GRM8: variants seen among roughly 807,000 people sequenced by gnomAD.
GRM8 encodes the protein glutamate metabotropic receptor 8.
A neutral mutation model predicts 87.2 loss-of-function variants in GRM8; 47 were observed. The ratio of observed to expected loss-of-function variants is 0.54; its 90% CI spans 0.43 to 0.69. The LOEUF (loss-of-function observed/expected upper bound fraction) is 0.69, where lower values mean the gene tolerates loss of function less well. Ranked by LOEUF, GRM8 falls within the 30% of genes least tolerant of loss-of-function variation. GRM8 has a pLI of 0.00. For missense variants in GRM8, 1,019 were observed against 1,139.2 expected, an observed-to-expected ratio of 0.89 and a Z score of 1.52; for synonymous variants, 396 against 404.5, an observed-to-expected ratio of 0.98 and a Z score of 0.25.
At chr7:126,716,887 C>T (rs1422540791) in intron 7 of GRM8, among the ~76,000 whole-genome samples, 1 of 152,078 alleles carries the variant, frequency 6.6e-6, no homozygotes, top group Non-Finnish European at 1.5e-5. Flanking sequence ...AAGAGGCCAG[C>T]ATGCTCTTCT....
intron 3 of GRM8, among the ~76,000 whole-genome samples, chr7:126,968,184 A>T (rs954286925): frequency 2.0e-5 from 3 of 152,156 alleles, no homozygotes; most frequent in Non-Finnish European, 4.4e-5. Context: ...ATTGTCTGAG[A>T]TTTATCTATT....
rs1366436895 is a variant in GRM8, at chr7:127,233,301, C to T, written c.510+9394G>A. On this transcript the variant is annotated intron_variant, in intron 2 of 10. Transcript: ENST00000339582. Reference sequence around the variant, plus strand: ...TCTATTTTACTCACGAGTATCAGCACCACTAGATAAATACGTTAAAATAAT... The same window carrying T: ...TCTATTTTACTCACGAGTATCAGCATCACTAGATAAATACGTTAAAATAAT... Among the ~76,000 whole-genome samples, 3 of 152,066 alleles carry T rather than the reference C, an allele frequency of 2.0e-5. No individual in the cohort carries two copies. In the East Asian group the frequency reaches 5.8e-4, roughly 29 times the overall value.
intron 2 of GRM8, among the ~76,000 whole-genome samples, chr7:127,239,247 T>C (rs1312901363): frequency 1.3e-5 from 2 of 152,196 alleles, no homozygotes; most frequent in Non-Finnish European, 2.9e-5. Context: ...GGCCCAAATA[T>C]TTTCCATAAA....
At chr7:127,216,574 T>C (rs753348144) in intron 2 of GRM8, among the ~76,000 whole-genome samples, 18 of 140,898 alleles carry the variant, frequency 1.3e-4, no homozygotes, top group Non-Finnish European at 2.8e-4. Context: ...AAGTCTAAAC[T>C]AGTGAGTCAT....
intron 2 of GRM8, among the ~76,000 whole-genome samples, chr7:127,160,807 G>T (rs921737791): frequency 7.1e-5 from 9 of 126,180 alleles, no homozygotes; most frequent in Non-Finnish European, 1.3e-4. Flanking sequence ...GCCCTTAGGT[G>T]AACATTTAGC....
intron 3 of GRM8, among the ~76,000 whole-genome samples, chr7:126,944,480 C>G (rs78578542): frequency 6.6e-6 from 1 of 152,154 alleles, no homozygotes; most frequent in South Asian, 2.1e-4. Flanking sequence ...AAACCCCCAA[C>G]GCAGCCCAGG....
chr7:127,094,752 G>A (rs1207543301), intron 3 of GRM8, among the ~76,000 whole-genome samples: 1 of 152,204 alleles, frequency 6.6e-6, no homozygotes, highest in Non-Finnish European at 1.5e-5. Flanking sequence ...GTTGGCAATA[G>A]GAGTTAGGTA....
At chr7:126,573,935 T>G (rs955636710) in intron 8 of GRM8, among the ~76,000 whole-genome samples, 5 of 152,136 alleles carry the variant, frequency 3.3e-5, no homozygotes, top group African/African-American at 1.2e-4. Context: ...ACCTAATAGA[T>G]GAAGAAGTTG....
intron 9 of GRM8, among the ~76,000 whole-genome samples, chr7:126,523,032 G>A (rs1352499102): frequency 6.6e-6 from 1 of 152,120 alleles, no homozygotes; most frequent in Non-Finnish European, 1.5e-5. Flanking sequence ...CACTTAAATT[G>A]TGGCCATTGA....
chr7:127,049,231 A>C (rs925431141), intron 3 of GRM8, among the ~76,000 whole-genome samples: 1 of 151,766 alleles, frequency 6.6e-6, no homozygotes, highest in African/African-American at 2.4e-5. Flanking sequence ...ATACACATAC[A>C]CACACACACA....
intron 2 of GRM8, among the ~76,000 whole-genome samples, chr7:127,237,883 C>T (rs1166324162): frequency 1.3e-5 from 2 of 152,188 alleles, no homozygotes; most frequent in East Asian, 1.9e-4. Context: ...AATATTCAAT[C>T]TTTGCTCAAA....
intron 6 of GRM8, among the ~76,000 whole-genome samples, chr7:126,825,468 G>T (rs895382632): frequency 2.6e-5 from 4 of 152,072 alleles, no homozygotes; most frequent in Admixed American, 6.5e-5. Context: ...AAGGTGTAGA[G>T]ACATTAAATG....
At chr7:126,717,235 T>C (rs1811858821) in intron 7 of GRM8, among the ~76,000 whole-genome samples, 1 of 152,012 alleles carries the variant, frequency 6.6e-6, no homozygotes, top group South Asian at 2.1e-4. Flanking sequence ...AGAGAGAAAG[T>C]ATGGACAATG....
intron 3 of GRM8, among the ~76,000 whole-genome samples, chr7:127,050,040 G>A (rs184354418): frequency 5.9e-5 from 9 of 152,332 alleles, no homozygotes; most frequent in African/African-American, 1.9e-4. Flanking sequence ...TGAGGACAAT[G>A]AGATGCCACT....
At chr7:127,128,582 A>G (rs2133213010) in intron 2 of GRM8, among the ~76,000 whole-genome samples, 1 of 152,294 alleles carries the variant, frequency 6.6e-6, no homozygotes, top group African/African-American at 2.4e-5. Context: ...AAACTTTCCA[A>G]GCACTTTTAT....
chr7:126,621,650 C>G (rs1279958459), intron 7 of GRM8, among the ~76,000 whole-genome samples: 3 of 151,924 alleles, frequency 2.0e-5, no homozygotes, highest in Admixed American at 1.3e-4. Flanking sequence ...AACTCCTGAC[C>G]TCAGGTGATC....
intron 6 of GRM8, among the ~76,000 whole-genome samples, chr7:126,874,677 T>G (rs1799389625): frequency 6.6e-6 from 1 of 151,862 alleles, no homozygotes; most frequent in South Asian, 2.1e-4. Context: ...GCTAGAAGAG[T>G]CAGAATCCCA....
At chr7:126,953,004 C>T (rs1808322352) in intron 3 of GRM8, among the ~76,000 whole-genome samples, 1 of 151,960 alleles carries the variant, frequency 6.6e-6, no homozygotes, top group African/African-American at 2.4e-5. Context: ...AATTGCACTC[C>T]AGTTAAGATT....
At chr7:126,791,420 T>C (rs199953103) in intron 6 of GRM8, among the ~76,000 whole-genome samples, 274 of 152,320 alleles carry the variant, frequency 1.8e-3, no homozygotes, top group Non-Finnish European at 3.1e-3. Flanking sequence ...TTGTCTTATA[T>C]GAGGCAGCTT....
Sources: allele counts gnomAD v4.1 joint callset (sites outside exome capture counted in the v4.1 genomes callset), GRCh38; gene constraint gnomAD v4.1.1; transcripts MANE v1.5; gene names NCBI Gene and HGNC (gene_info 2026-07-23, HGNC 2026-07-21).